ARHGAP6: variants seen among roughly 807,000 people sequenced by gnomAD.
ARHGAP6 encodes rho GTPase-activating protein 6.
In ARHGAP6, 16 loss-of-function variants were observed where a neutral mutation model predicts 55.7. The observed-to-expected ratio is 0.29, with a 90% confidence interval of 0.19 to 0.44. ARHGAP6 has a LOEUF of 0.44. Ranked by LOEUF, ARHGAP6 falls within the 20% of genes least tolerant of loss-of-function variation. The probability of loss-of-function intolerance (pLI) is 1.00; values close to 1 mark genes in which losing one functional copy is unlikely to be tolerated. For missense variants in ARHGAP6, 698 were observed against 808.9 expected (o/e 0.86, Z 1.66); for synonymous variants, 382 against 360.9 (o/e 1.06, Z -0.66).
chrX:11,388,151 C>A (rs1198674582), intron 1 of ARHGAP6, among the ~76,000 whole-genome samples: 1 of 112,118 alleles, frequency 8.9e-6, no homozygotes, highest in Non-Finnish European at 1.9e-5. Context: ...AATGGTTGAA[C>A]TAGTTTACAG....
At chrX:11,621,071 G>A (rs190420134) in intron 1 of ARHGAP6, among the ~76,000 whole-genome samples, 1 of 111,491 alleles carries the variant, frequency 9.0e-6, no homozygotes, top group African/African-American at 3.3e-5. Context: ...ATGTGGTTTT[G>A]TCCTGGGGAC....
chrX:11,398,109 C>T (rs1482340478), intron 1 of ARHGAP6, among the ~76,000 whole-genome samples: 2 of 110,371 alleles, frequency 1.8e-5, no homozygotes, highest in African/African-American at 6.6e-5. Flanking sequence ...TACCTGGTGA[C>T]CTTACACAAG....
At chrX:11,215,436 G>C (rs1046904686) in intron 2 of ARHGAP6, among the ~76,000 whole-genome samples, 1 of 113,266 alleles carries the variant, frequency 8.8e-6, no homozygotes, top group Non-Finnish European at 1.9e-5. Context: ...CCAGGGACAG[G>C]CTGTACAGGC....
intron 2 of ARHGAP6, among the ~76,000 whole-genome samples, chrX:11,211,475 C>T (rs2046799421): frequency 9.0e-6 from 1 of 110,988 alleles, no homozygotes; most frequent in African/African-American, 3.3e-5. Flanking sequence ...CGTGATCCGC[C>T]CTCCTTGGCC....
chrX:11,325,079 C>T (rs1323676382), intron 1 of ARHGAP6, among the ~76,000 whole-genome samples: 3 of 111,824 alleles, frequency 2.7e-5, no homozygotes, highest in Non-Finnish European at 5.6e-5. Flanking sequence ...AGGATGGTCT[C>T]GATCTCCTGA....
At position 11,625,984 on chromosome X, in the gene ARHGAP6, A is replaced by G. The variant is rs1023426110; in HGVS notation, c.588+38257T>C. Among the ~76,000 whole-genome samples the G allele has an allele frequency of 5.3e-5, 6 of 112,207 alleles. No homozygotes were observed. In the East Asian group the frequency reaches 1.4e-3, roughly 26 times the overall value. ...AAATAAAATAAAATACCATGAAAAA[A>G]CAGAATAAGAGAAAAGCAAAAATTG... On this transcript the variant is annotated intron_variant, in intron 1 of 12. Coordinates refer to ENST00000337414, the MANE Select transcript of ARHGAP6 (RefSeq NM_013427.3).
chrX:11,179,599 A>T, intron 6 of ARHGAP6, 147 bp from the exon 7 acceptor site: 1 of 605,000 alleles, frequency 1.7e-6, no homozygotes, highest in Non-Finnish European at 2.5e-6. Context: ...CCTCACCTTG[A>T]TCTGCCGAGT....
intron 1 of ARHGAP6, among the ~76,000 whole-genome samples, chrX:11,512,643 A>ATCCT (rs2050796371): frequency 1.8e-5 from 2 of 111,183 alleles, no homozygotes; most frequent in African/African-American, 6.5e-5. Context: ...TCTCTCATAG[A>ATCCT]TCCTTGCCAC....
At chrX:11,422,717 G>A (rs2049836691) in intron 1 of ARHGAP6, among the ~76,000 whole-genome samples, 1 of 112,270 alleles carries the variant, frequency 8.9e-6, no homozygotes, top group African/African-American at 3.2e-5. Context: ...ATCACAATGT[G>A]GGAACAGGAA....
intron 1 of ARHGAP6, among the ~76,000 whole-genome samples, chrX:11,281,905 T>C (rs918999471): frequency 8.9e-6 from 1 of 112,218 alleles, no homozygotes; most frequent in African/African-American, 3.2e-5. Context: ...CCATGAAGAT[T>C]AGGGTTTCTG....
chrX:11,436,680 C>T (rs1289280286), intron 1 of ARHGAP6, among the ~76,000 whole-genome samples: 1 of 111,764 alleles, frequency 8.9e-6, no homozygotes, highest in Non-Finnish European at 1.9e-5. Context: ...TATGATCTAT[C>T]CATACAATGA....
rs770808692 is a variant in ARHGAP6, at chrX:11,506,640, T to G, written c.588+157601A>C. Among the ~76,000 whole-genome samples, 8 of 112,312 alleles carry G rather than the reference T, an allele frequency of 7.1e-5. No individual in the cohort carries two copies. In the South Asian group the frequency reaches 3.0e-3, roughly 42 times the overall value. ...CACATTTCTTTATCTAGTCTATCAT[T>G]GATGGACATTTGGGTTGGTTCCAAG... is the stretch of plus-strand genomic sequence containing the variant. On this transcript the variant is annotated intron_variant, in intron 1 of 12. Transcript: ENST00000337414.
At chrX:11,140,202 TA>T (rs773186297) in intron 12 of ARHGAP6, among the ~76,000 whole-genome samples, 21,926 of 98,811 alleles carry the variant, frequency 0.22, 1,803 homozygotes, top group Middle Eastern at 0.3. Flanking sequence ...AAAAAAAAAA[TA>T]AAAAAAAAAA....
rs772539607 is a variant in ARHGAP6, at chrX:11,437,296, T to C, written c.589-182589A>G. On this transcript the variant is annotated intron_variant, in intron 1 of 12. Coordinates refer to ENST00000337414, the MANE Select transcript of ARHGAP6 (RefSeq NM_013427.3). ...TGTAACAGTCACTGTTTCAATATTT[T>C]ATCCTTTTTCTGTTTCCCTAACTGC... Among the ~76,000 whole-genome samples, 3 of 112,629 alleles carry C rather than the reference T, an allele frequency of 2.7e-5. No homozygotes were observed. In the South Asian group the frequency reaches 1.1e-3, roughly 42 times the overall value.
intron 1 of ARHGAP6, among the ~76,000 whole-genome samples, chrX:11,558,836 C>CAAAAAAAA (rs58936931): frequency 8.3e-4 from 25 of 30,066 alleles, no homozygotes; most frequent in African/African-American, 1.3e-3. Context: ...GATTCCATCT[C>CAAAAAAAA]AAAAAAAAAA....
intron 9 of ARHGAP6, among the ~76,000 whole-genome samples, chrX:11,164,696 G>A (rs1286883440): frequency 1.8e-5 from 2 of 111,839 alleles, no homozygotes; most frequent in African/African-American, 6.5e-5. Context: ...GCTTTCCCAC[G>A]TCTCCACTGC....
At chrX:11,662,083 T>A (rs2052708963) in intron 1 of ARHGAP6, among the ~76,000 whole-genome samples, 1 of 111,937 alleles carries the variant, frequency 8.9e-6, no homozygotes. Context: ...AACCAGATAT[T>A]CCCTCCAGGG....
chrX:11,596,081 C>T (rs1332162700), intron 1 of ARHGAP6, among the ~76,000 whole-genome samples: 1 of 111,769 alleles, frequency 8.9e-6, no homozygotes, highest in Non-Finnish European at 1.9e-5. Flanking sequence ...GGTATGTACC[C>T]AAAGGATTAT....
chrX:11,413,125 G>C (rs937967261), intron 1 of ARHGAP6, among the ~76,000 whole-genome samples: 11 of 111,982 alleles, frequency 9.8e-5, no homozygotes, highest in African/African-American at 3.6e-4. Context: ...TCTCTGTTCT[G>C]TGCCCCGACC....
Sources: gnomAD v4.1 joint callset for allele counts (sites outside exome capture counted in the v4.1 genomes callset) on GRCh38, gnomAD v4.1.1 for gene constraint, MANE v1.5 for transcripts, NCBI Gene and HGNC (gene_info 2026-07-23, HGNC 2026-07-21) for gene names.